The following ROPN1L variants were observed in gnomAD, a reference collection of about 807,000 sequenced individuals.
ROPN1L encodes ropporin-1-like protein.
Under a neutral mutation model 22.7 loss-of-function variants are expected in ROPN1L, and 23 were observed. The observed-to-expected ratio is 1.01, with a 90% CI of 0.73 to 1.43. ROPN1L has a LOEUF of 1.43. ROPN1L is among the 40% of genes most tolerant of loss of function. The probability of loss-of-function intolerance (pLI) is 0.00; values close to 1 mark genes in which losing one functional copy is unlikely to be tolerated. For missense variants in ROPN1L, 271 were observed against 291.5 expected, an observed-to-expected ratio of 0.93 and a Z score of 0.51; for synonymous variants, 116 against 117.8, an observed-to-expected ratio of 0.98 and a Z score of 0.10.
intron 1 of ROPN1L, among the ~76,000 whole-genome samples, chr5:10,444,256 C>G (rs1740982941): frequency 6.6e-6 from 1 of 152,038 alleles, no homozygotes; most frequent in African/African-American, 2.4e-5. Context: ...TTAGTAATAC[C>G]TTAGAGATAG....
downstream of ROPN1L, among the ~76,000 whole-genome samples, chr5:10,466,772 C>T (rs1259269894): frequency 1.3e-5 from 2 of 152,162 alleles, no homozygotes; most frequent in Non-Finnish European, 2.9e-5. Flanking sequence ...CTGTATGAAT[C>T]GGTGAGGGCT....
the ROPN1L span, chr5:10,479,232 G>C: frequency 6.6e-6 from 1 of 152,202 alleles, no homozygotes; most frequent in African/African-American, 2.4e-5. Flanking sequence ...TACAATGACT[G>C]TCTCCATGCT....
At position 10,453,406 on chromosome 5, in the gene ROPN1L, G is replaced by A. The variant is rs567480064; in HGVS notation, c.417+3293G>A. ...TGTGTTGTTGACCTTGTTGGCCCTG[G>A]GTGGCTTGGAGGTGTGCTAAGAACA... On this transcript the variant is annotated intron_variant, in intron 3 of 4. Coordinates refer to ENST00000274134, the MANE Select transcript of ROPN1L (RefSeq NM_031916.5). Among the ~76,000 whole-genome samples the A allele has an allele frequency of 1.1e-4, 16 of 152,260 alleles. No individual in the cohort carries two copies. In the South Asian group the frequency reaches 2.7e-3, roughly 26 times the overall value.
intron 3 of ROPN1L, among the ~76,000 whole-genome samples, chr5:10,457,442 A>G (rs931082555): frequency 2.0e-5 from 3 of 152,220 alleles, no homozygotes; most frequent in African/African-American, 7.2e-5. Flanking sequence ...TAGACATAAT[A>G]AAATGGAGTA....
chr5:10,459,280 T>C (rs1354189606), intron 3 of ROPN1L, among the ~76,000 whole-genome samples: 2 of 145,418 alleles, frequency 1.4e-5, no homozygotes, highest in African/African-American at 5.5e-5. Context: ...GCAGCCTCCT[T>C]GCCAGGTTCC....
chr5:10,466,390 C>G (rs185783192), downstream of ROPN1L, among the ~76,000 whole-genome samples: 1,636 of 152,198 alleles, frequency 0.011, 29 homozygotes, highest in African/African-American at 0.037. Flanking sequence ...GGAGGCTGCC[C>G]ACGTTTACCA....
At chr5:10,457,551 G>A (rs1734860199) in intron 3 of ROPN1L, among the ~76,000 whole-genome samples, 1 of 152,248 alleles carries the variant, frequency 6.6e-6, no homozygotes, top group Non-Finnish European at 1.5e-5. Context: ...CAAGGTGTCT[G>A]TCTGCTCCTC....
intron 1 of ROPN1L, among the ~76,000 whole-genome samples, chr5:10,446,568 G>A (rs551559100): frequency 9.9e-5 from 15 of 151,834 alleles, no homozygotes; most frequent in African/African-American, 2.9e-4. Flanking sequence ...GGCTGAGGCC[G>A]GAGAATAGCT....
intron 4 of ROPN1L, among the ~76,000 whole-genome samples, chr5:10,462,032 A>G (rs1412270233): frequency 6.6e-6 from 1 of 152,128 alleles, no homozygotes; most frequent in Non-Finnish European, 1.5e-5. Context: ...TTTTCCTGGA[A>G]GCTTTGTGAT....
At chr5:10,472,392 C>T (rs189858486), downstream of ROPN1L, among the ~76,000 whole-genome samples, 5 of 152,340 alleles carry the variant, frequency 3.3e-5, no homozygotes, top group African/African-American at 9.6e-5. Context: ...CAGTGCTCCC[C>T]TCCTGGCCAA....
chr5:10,469,931 G>A (rs890799376), downstream of ROPN1L, among the ~76,000 whole-genome samples: 4 of 152,346 alleles, frequency 2.6e-5, no homozygotes, highest in African/African-American at 4.8e-5. Flanking sequence ...TTGAATTTAC[G>A]ATTAGTTGTT....
intron 4 of ROPN1L, among the ~76,000 whole-genome samples, chr5:10,471,655 G>A (rs1448992189): frequency 1.3e-5 from 2 of 152,162 alleles, no homozygotes; most frequent in Non-Finnish European, 2.9e-5. Context: ...AAGCTGTTGC[G>A]GGGATCCACA....
At position 10,461,192 on chromosome 5, in the gene ROPN1L, C is replaced by G. The variant is rs774173745; in HGVS notation, c.426C>G (p.Asn142Lys). 1 of 1,613,316 alleles carries G rather than the reference C, an allele frequency of 6.2e-7. No individual in the cohort carries two copies. The highest frequency in any genetic ancestry group is 1.7e-5 in the Admixed American group (1 of 59,940). Reference protein sequence around the residue: ...LGCSMLGGSLNTALKHLCEIL... With the variant: ...LGCSMLGGSLKTALKHLCEIL... ...GGCTGTGGTGCTCCCAGTCCTTGAA[C>G]ACTGCGCTGAAGCACCTGTGCGAGA... Residue 142 changes from asparagine (N) to lysine (K), a missense_variant, in exon 4 of 5, where the codon AAC (asparagine) becomes AAG (lysine). By Grantham distance (94) the Asn-to-Lys change is moderately conservative (BLOSUM62 0). Coordinates refer to ENST00000274134, the MANE Select transcript of ROPN1L (RefSeq NM_031916.5).
chr5:10,482,545 G>T, the ROPN1L span, among the ~76,000 whole-genome samples: 1 of 152,172 alleles, frequency 6.6e-6, no homozygotes, highest in South Asian at 2.1e-4. Flanking sequence ...GGTTAGGAGA[G>T]ATCAGGTTTT....
the ROPN1L span, among the ~76,000 whole-genome samples, chr5:10,480,565 G>A: frequency 2.1e-4 from 32 of 152,198 alleles, 1 homozygote; most frequent in East Asian, 1.4e-3. Context: ...GGTGGGAGCC[G>A]TATGGAAGCC....
chr5:10,478,544 C>T, the ROPN1L span, among the ~76,000 whole-genome samples: 3 of 152,272 alleles, frequency 2.0e-5, no homozygotes, highest in Middle Eastern at 3.4e-3. Context: ...CATTCCTTGG[C>T]GTGTGGGTGC....
intron 3 of ROPN1L, among the ~76,000 whole-genome samples, chr5:10,456,517 CT>C (rs1741426206): frequency 1.3e-5 from 2 of 152,112 alleles, no homozygotes; most frequent in Non-Finnish European, 2.9e-5. Flanking sequence ...ATAAGTGCAG[CT>C]TGCCAGTCAC....
chr5:10,475,293 T>C (rs1354496583), downstream of ROPN1L, among the ~76,000 whole-genome samples: 1 of 152,238 alleles, frequency 6.6e-6, no homozygotes, highest in Non-Finnish European at 1.5e-5. Flanking sequence ...TTCCAGTCCT[T>C]GGGGTAATGG....
intron 1 of ROPN1L, among the ~76,000 whole-genome samples, chr5:10,445,779 C>T (rs773238609): frequency 5.3e-5 from 8 of 152,144 alleles, no homozygotes; most frequent in South Asian, 2.1e-4. Context: ...TAAAATTAGC[C>T]GGCCATGGTG....
Sources: allele counts gnomAD v4.1 joint callset (sites outside exome capture counted in the v4.1 genomes callset), GRCh38; gene constraint gnomAD v4.1.1; transcripts MANE v1.5; gene names NCBI Gene and HGNC (gene_info 2026-07-23, HGNC 2026-07-21).